Variants in CDC42BPB observed in about 807,000 individuals in gnomAD.
CDC42BPB encodes the protein CDC42 binding protein kinase beta.
A neutral mutation model predicts 214.9 loss-of-function variants in CDC42BPB; 37 were observed. The ratio of observed to expected loss-of-function variants is 0.17; its 90% CI spans 0.13 to 0.23. CDC42BPB has a LOEUF of 0.23. Ranked by LOEUF, CDC42BPB falls within the 10% of genes least tolerant of loss-of-function variation. The probability of loss-of-function intolerance (pLI) is 1.00; values close to 1 mark genes in which losing one functional copy is unlikely to be tolerated. For missense variants in CDC42BPB, 1,694 were observed against 2,227.0 expected (o/e 0.76, Z 4.82); for synonymous variants, 931 against 884.0 (o/e 1.05, Z -0.94).
chr14:102,984,367 A>T (rs1894140280), intron 6 of CDC42BPB, among the ~76,000 whole-genome samples: 1 of 152,030 alleles, frequency 6.6e-6, no homozygotes, highest in Non-Finnish European at 1.5e-5. Flanking sequence ...CATTTCTAAT[A>T]AGCTTCTGGG....
intron 1 of CDC42BPB, among the ~76,000 whole-genome samples, chr14:103,027,843 CA>C (rs574953933): frequency 1.2e-4 from 18 of 152,108 alleles, no homozygotes; most frequent in Non-Finnish European, 2.5e-4. Context: ...ACACTTAAAT[CA>C]AAAAGCCAGG....
intron 29 of CDC42BPB, 142 bp downstream of exon 29, chr14:102,945,520 C>T (rs10136124): frequency 0.077 from 51,843 of 676,674 alleles, 5,446 homozygotes; most frequent in African/African-American, 0.39. Context: ...CACTCGATGC[C>T]GGTCTTCACG....
intron 9 of CDC42BPB, among the ~76,000 whole-genome samples, chr14:102,977,316 G>A (rs1269313264): frequency 1.4e-5 from 2 of 142,536 alleles, no homozygotes; most frequent in Non-Finnish European, 3.0e-5. Flanking sequence ...TCCAGCCTGG[G>A]CGACAGAGCG....
At chr14:103,044,981 C>T (rs951850299) in intron 1 of CDC42BPB, among the ~76,000 whole-genome samples, 3 of 151,136 alleles carry the variant, frequency 2.0e-5, no homozygotes, top group Admixed American at 2.0e-4. Context: ...AAGAGGATCC[C>T]TTGAGCTCTG....
intron 1 of CDC42BPB, among the ~76,000 whole-genome samples, chr14:103,038,146 T>C (rs1887775300): frequency 6.7e-6 from 1 of 149,892 alleles, no homozygotes; most frequent in African/African-American, 2.5e-5. Context: ...ACCATCCTGG[T>C]CAACATGGCG....
intron 1 of CDC42BPB, 124 bp from the exon 2 acceptor site, chr14:103,012,312 T>C: frequency 1.4e-6 from 2 of 1,457,786 alleles, no homozygotes; most frequent in Non-Finnish European, 9.0e-7. Flanking sequence ...ATATTTAATA[T>C]CTGACATGTT....
intron 8 of CDC42BPB, chr14:102,978,430 C>A: frequency 8.6e-6 from 6 of 695,104 alleles, no homozygotes; most frequent in Non-Finnish European, 8.8e-6. Flanking sequence ...ACAGGAGACA[C>A]ACTCTGATTT....
intron 28 of CDC42BPB, 76 bp from the exon 29 acceptor site, chr14:102,945,800 G>T: frequency 1.6e-6 from 2 of 1,272,154 alleles, no homozygotes; most frequent in Non-Finnish European, 2.3e-6. Flanking sequence ...GCGTGGGTGG[G>T]CTCATTCACA....
At chr14:103,027,724 C>T (rs538464772) in intron 1 of CDC42BPB, among the ~76,000 whole-genome samples, 1 of 152,254 alleles carries the variant, frequency 6.6e-6, no homozygotes, top group South Asian at 2.1e-4. Context: ...AGAGGGAATG[C>T]TAAGTACTGC....
rs533871619 is a variant in CDC42BPB at position 102,979,016 on chromosome 14, A to G, written c.1141-811T>C. ...AAGGAGATCAGTCTCAAAAAATAAA[A>G]AATATAAGCAAAGTTCTTTATCTGG... On this transcript the variant is annotated intron_variant, in intron 8 of 36. Transcript: ENST00000361246. 2.0e-5 allele frequency among the ~76,000 whole-genome samples: 3 copies of G among 152,280 alleles called. No homozygotes were observed. The East Asian group carries it at 5.8e-4, about 29-fold the overall frequency.
chr14:102,952,118 C>CG (rs199737038), intron 24 of CDC42BPB, among the ~76,000 whole-genome samples: 1,815 of 152,136 alleles, frequency 0.012, 28 homozygotes, highest in Middle Eastern at 0.068. Flanking sequence ...GAGGCTAAGG[C>CG]GGGAGATCAC....
Position 103,001,231 on chromosome 14 carries a change from G to T in CDC42BPB, c.448-1518C>A, listed in dbSNP as rs1053423906. The stretch of plus-strand genomic sequence containing the variant: ...CCTTCCCCGCCGAGTTTTTCAATTT[G>T]TTCATTCGCTCGTGCACCCTCACTG... On this transcript the variant is annotated intron_variant, in intron 4 of 36. Coordinates refer to ENST00000361246, the MANE Select transcript of CDC42BPB (RefSeq NM_006035.4). The surrounding 1 kb of genome is among the most constrained non-coding windows in gnomAD (Gnocchi z 5.8). Among the ~76,000 whole-genome samples, 1 of 152,164 alleles carries T rather than the reference G, an allele frequency of 6.6e-6. No homozygotes were observed. The highest frequency in any genetic ancestry group is 1.5e-5 in the Non-Finnish European group (1 of 68,038).
chr14:102,934,085 C>T (rs1891521216), intron 36 of CDC42BPB: 47 of 1,217,030 alleles, frequency 3.9e-5, no homozygotes, highest in Non-Finnish European at 4.8e-5. Context: ...TTACAAAAGA[C>T]AGCAACTCTG....
chr14:102,935,013 CAAAAAAAAAA>C (rs35596449), intron 36 of CDC42BPB, among the ~76,000 whole-genome samples: 3 of 71,366 alleles, frequency 4.2e-5, no homozygotes, highest in Non-Finnish European at 8.9e-5. Flanking sequence ...GACTCTGTCT[CAAAAAAAAAA>C]AAAAAAGAAA....
chr14:103,006,999 C>A (rs983256539), intron 3 of CDC42BPB, among the ~76,000 whole-genome samples: 2 of 152,146 alleles, frequency 1.3e-5, no homozygotes, highest in Non-Finnish European at 1.5e-5. Context: ...CTGTTTGGGG[C>A]GGGGAAAGGG....
chr14:103,017,535 G>GA (rs773541856), intron 1 of CDC42BPB, among the ~76,000 whole-genome samples: 4 of 152,108 alleles, frequency 2.6e-5, no homozygotes, highest in Non-Finnish European at 5.9e-5. Context: ...TCAGTTACGT[G>GA]ATGAGACGCA....
chr14:102,988,104 T>C (rs1242717673), intron 5 of CDC42BPB, among the ~76,000 whole-genome samples: 1 of 151,978 alleles, frequency 6.6e-6, no homozygotes, highest in Non-Finnish European at 1.5e-5. Flanking sequence ...GAAATGAAAT[T>C]ATAAGAGGAC....
chr14:103,040,350 G>A (rs910334693), intron 1 of CDC42BPB, among the ~76,000 whole-genome samples: 3 of 150,698 alleles, frequency 2.0e-5, no homozygotes, highest in African/African-American at 4.9e-5. Flanking sequence ...GCAAGACTCC[G>A]TCTCAAAAAA....
chr14:103,054,108 T>C (rs1006775202), intron 1 of CDC42BPB, among the ~76,000 whole-genome samples: 1 of 152,122 alleles, frequency 6.6e-6, no homozygotes, highest in African/African-American at 2.4e-5. Flanking sequence ...CAACCAATCC[T>C]CCACCTTGGC....
Sources: gnomAD v4.1 joint callset for allele counts (sites outside exome capture counted in the v4.1 genomes callset) on GRCh38, gnomAD v4.1.1 for gene constraint, Gnocchi (gnomAD v3.1) non-coding constraint, MANE v1.5 for transcripts, NCBI Gene and HGNC (gene_info 2026-07-23, HGNC 2026-07-21) for gene names.